PPP4R3A: variants seen among roughly 807,000 people sequenced by gnomAD.
PPP4R3A encodes serine/threonine-protein phosphatase 4 regulatory subunit 3A.
PPP4R3A carries 15 observed loss-of-function variants against 91.7 expected under a neutral mutation model. That is an observed-to-expected ratio of 0.16 (90% CI 0.11 to 0.25). The LOEUF (loss-of-function observed/expected upper bound fraction) is 0.25. Among genes scored for constraint, PPP4R3A ranks in the 10% least tolerant of loss-of-function variants. The probability of loss-of-function intolerance (pLI) is 1.00; values close to 1 mark genes in which losing one functional copy is unlikely to be tolerated. For missense variants in PPP4R3A, 623 were observed against 998.4 expected (o/e 0.62, Z 5.07); for synonymous variants, 377 against 348.7 (o/e 1.08, Z -0.91).
In PPP4R3A at chr14:91,481,942, C is replaced by G; in HGVS notation, c.549G>C (p.Leu183Phe). The change falls in exon 4 of 15, where the codon TTG becomes TTC. Residue 183 changes from leucine to phenylalanine, a missense_variant. By Grantham distance (22) the Leu-to-Phe change is conservative. This residue lies in a region of PPP4R3A where 264 missense variants were observed against 377.3 expected (regional missense o/e 0.70). Transcript: ENST00000554943. ...AGTGGTGCAGTCCTTCAATATTTTC[C>G]AAATCTTCACACACATGAAAAAGCT... ...LLELFHVCED[L>F]ENIEGLHHLY... is the part of the protein sequence containing the mutation. The G allele has an allele frequency of 6.2e-7, 1 of 1,613,818 alleles. No individual in the cohort carries two copies. The highest frequency in any genetic ancestry group is 8.5e-7 in the Non-Finnish European group (1 of 1,179,944).
At chr14:91,480,358 C>T (rs565379073) in intron 4 of PPP4R3A, among the ~76,000 whole-genome samples, 1 of 152,250 alleles carries the variant, frequency 6.6e-6, no homozygotes, top group South Asian at 2.1e-4. Context: ...CACATAGCTA[C>T]TGTTATTAAG....
intron 14 of PPP4R3A, among the ~76,000 whole-genome samples, chr14:91,459,577 A>G (rs896084433): frequency 1.3e-5 from 2 of 152,152 alleles, no homozygotes; most frequent in Non-Finnish European, 2.9e-5. Context: ...CTGTAATTCC[A>G]GCACTTTGGG....
At position 91,497,170 on chromosome 14, in the gene PPP4R3A, A is replaced by G. The variant is rs142105209; in HGVS notation, c.143-6368T>C. Among the ~76,000 whole-genome samples, 512 of 152,298 alleles carry G rather than the reference A, an allele frequency of 3.4e-3. 3 individuals are homozygous for G. Among genetic ancestry groups the G allele is most frequent in the African/African-American group, 0.011 (468 of 41,568 alleles). On this transcript the variant is annotated intron_variant, in intron 1 of 14. Transcript: ENST00000554943. ...CTCAGCAACATTAAGAGGGAGGCAG[A>G]GAAGGTTCTAACTAAGAGCAACATG... is the stretch of plus-strand genomic sequence containing the variant.
chr14:91,460,585 G>T (rs960968344), intron 14 of PPP4R3A, among the ~76,000 whole-genome samples: 10 of 149,676 alleles, frequency 6.7e-5, no homozygotes, highest in Non-Finnish European at 1.2e-4. Flanking sequence ...CCCCAAAACT[G>T]GTTTTATTCT....
In PPP4R3A at chr14:91,510,023, C is replaced by T; in HGVS notation, c.-376G>A. 10 of 899,574 alleles carry T rather than the reference C, an allele frequency of 1.1e-5. No individual in the cohort carries two copies. The highest frequency in any genetic ancestry group is 1.3e-5 in the Non-Finnish European group (10 of 748,434). The allele number at this position is 899,574 out of a possible 1,614,324, so 55.7% of individuals were successfully genotyped here. A position where few individuals can be genotyped will look rare whatever the true frequency, so the allele number is the denominator to read the frequency against. On this transcript the variant is annotated 5_prime_UTR_variant, in exon 1 of 15. Coordinates refer to ENST00000554943, the MANE Select transcript of PPP4R3A (RefSeq NM_001366432.2). ...CTCCGCGAAGCAGCTTCCCGCGCCG[C>T]CGCCGCCTCCTCAGGCCGCCGCCGC...
At chr14:91,496,584 C>T (rs544208253) in intron 1 of PPP4R3A, among the ~76,000 whole-genome samples, 1 of 152,290 alleles carries the variant, frequency 6.6e-6, no homozygotes, top group South Asian at 2.1e-4. Flanking sequence ...GTACTCCCTT[C>T]CAAAGTTCTG....
chr14:91,483,603 T>C (rs545865832), intron 3 of PPP4R3A, among the ~76,000 whole-genome samples: 1 of 152,358 alleles, frequency 6.6e-6, no homozygotes, highest in South Asian at 2.1e-4. Context: ...GAATGCCATC[T>C]TTTTGAGTTG....
chr14:91,465,130 CTTTT>C (rs34464175), intron 11 of PPP4R3A, 116 bp downstream of exon 11: 2 of 620,434 alleles, frequency 3.2e-6, no homozygotes, highest in South Asian at 4.1e-5. Context: ...GCTTTTAGTA[CTTTT>C]TTTTTTTTTT....
chr14:91,498,743 T>C (rs1890743572), intron 1 of PPP4R3A, among the ~76,000 whole-genome samples: 1 of 151,078 alleles, frequency 6.6e-6, no homozygotes, highest in African/African-American at 2.4e-5. Flanking sequence ...TGAAACCCCG[T>C]CTCTACTAAA....
chr14:91,504,443 A>G (rs2140166869), intron 1 of PPP4R3A, among the ~76,000 whole-genome samples: 1 of 152,140 alleles, frequency 6.6e-6, no homozygotes, highest in Middle Eastern at 3.4e-3. Flanking sequence ...CTCTACTAAA[A>G]ACACAGAAAT....
At chr14:91,477,107 TGTC>T (rs1404702651) in intron 4 of PPP4R3A, 121 bp from the exon 5 acceptor site, 5 of 559,852 alleles carry the variant, frequency 8.9e-6, no homozygotes, top group Non-Finnish European at 1.3e-5. Flanking sequence ...TTGGCAATGC[TGTC>T]TTTTTTTTTT....
intron 11 of PPP4R3A, 41 bp from the exon 12 acceptor site, chr14:91,462,918 T>G (rs769172639): frequency 6.6e-7 from 1 of 1,506,988 alleles, no homozygotes; most frequent in East Asian, 2.3e-5. Flanking sequence ...TAGGAAAATG[T>G]CATTTTAGCA....
chr14:91,502,459 C>T (rs553262808), intron 1 of PPP4R3A, among the ~76,000 whole-genome samples: 32 of 152,256 alleles, frequency 2.1e-4, no homozygotes, highest in African/African-American at 7.5e-4. Context: ...AATACTTCCC[C>T]TTGTACCGAC....
chr14:91,473,339 T>C lies in PPP4R3A; in HGVS notation c.1298A>G (p.His433Arg). The C allele has an allele frequency of 6.2e-7, 1 of 1,613,904 alleles. No homozygotes were observed. Among genetic ancestry groups the C allele is most frequent in the Non-Finnish European group, 8.5e-7 (1 of 1,179,974 alleles). ...DILLINLIIE[H>R]MICDTDPELG... ...TTCAGGATCTGTATCACAAATCATA[T>C]GTTCTATAATGAGGTTGATGAGCAA... The change falls in exon 8 of 15, where the codon CAT becomes CGT. Residue 433 changes from histidine to arginine, a missense_variant. His to Arg is a conservative substitution (Grantham distance 29). This residue lies in a region of PPP4R3A where 264 missense variants were observed against 377.3 expected (regional missense o/e 0.70). Coordinates refer to ENST00000554943, the MANE Select transcript of PPP4R3A (RefSeq NM_001366432.2).
At position 91,476,989 on chromosome 14, in the gene PPP4R3A, G is replaced by A. The variant is rs773882259; in HGVS notation, c.916-3C>T. On this transcript the variant is annotated splice_polypyrimidine_tract_variant and splice_region_variant and intron_variant, in intron 4 of 14. Coordinates refer to ENST00000554943, the MANE Select transcript of PPP4R3A (RefSeq NM_001366432.2). ...TCTGTCAGAAATTTTTCATCTTCCT[G>A]TGAAACAAAGGACAAATGCAATTAT... 2 of 1,592,722 alleles carry A rather than the reference G, an allele frequency of 1.3e-6. No individual in the cohort carries two copies. The highest frequency in any genetic ancestry group is 1.1e-5 in the South Asian group (1 of 88,350).
chr14:91,466,606 T>A (rs1888480515), intron 10 of PPP4R3A, among the ~76,000 whole-genome samples: 1 of 152,170 alleles, frequency 6.6e-6, no homozygotes, highest in Admixed American at 6.5e-5. Context: ...AGAATAATAA[T>A]TGCATTTTAT....
chr14:91,462,595 C>T (rs1888228854), intron 12 of PPP4R3A, 140 bp downstream of exon 12: 2 of 931,736 alleles, frequency 2.1e-6, no homozygotes, highest in East Asian at 5.0e-5. Context: ...TATGTTGACC[C>T]TTACAGGAAG....
intron 1 of PPP4R3A, 149 bp downstream of exon 1, chr14:91,509,357 G>A (rs1891625183): frequency 3.6e-6 from 4 of 1,120,600 alleles, no homozygotes; most frequent in Non-Finnish European, 5.0e-6. Context: ...CAAGACTGGG[G>A]TACCTGGGGC....
At position 91,475,791 on chromosome 14, in the gene PPP4R3A, T is replaced by C. The variant is rs777817868; in HGVS notation, c.1266+20A>G. The C allele has an allele frequency of 1.3e-6, 2 of 1,594,922 alleles. No homozygotes were observed. On this transcript the variant is annotated intron_variant, in intron 7 of 14. Transcript: ENST00000554943. ...GCTTCCTATGTATAAATACTTACTA[T>C]TAGTACAAATAATATTTACCTTGCT...
Sources: allele counts gnomAD v4.1 joint callset (sites outside exome capture counted in the v4.1 genomes callset), GRCh38; gene constraint gnomAD v4.1.1; regional missense constraint gnomAD v4.1.1; transcripts MANE v1.5; gene names NCBI Gene and HGNC (gene_info 2026-07-23, HGNC 2026-07-21).